The following AHNAK2 variants were observed in gnomAD, a reference collection of about 807,000 sequenced individuals.
The protein encoded by AHNAK2 is AHNAK nucleoprotein 2.
In AHNAK2, 18 loss-of-function variants were observed where a neutral mutation model predicts 30.7. The ratio of observed to expected loss-of-function variants is 0.59; its 90% CI spans 0.41 to 0.87. AHNAK2 has a LOEUF of 0.87. Among genes scored for constraint, AHNAK2 ranks in the 40% least tolerant of loss-of-function variants. The probability of loss-of-function intolerance (pLI) is 0.00; values close to 1 mark genes in which losing one functional copy is unlikely to be tolerated. For synonymous variants in AHNAK2, 3,590 were observed against 3,073.8 expected, an observed-to-expected ratio of 1.17 and a Z score of -5.56; for missense variants, 8,604 against 7,373.0, an observed-to-expected ratio of 1.17 and a Z score of -6.11.
At position 104,939,858 on chromosome 14, in the gene AHNAK2, G is replaced by C. The variant is rs761496001; in HGVS notation, c.15593C>G (p.Pro5198Arg). ...SWFKMPKFRMPSLRRSFRDRG... is the reference protein window; with the variant it reads ...SWFKMPKFRMRSLRRSFRDRG... ...GTCCCTGAAAGAGCGCCTAAGGCTG[G>C]GCATGCGGAACTTGGGCATTTTAAA... is the stretch of plus-strand genomic sequence containing the variant. Residue 5198 changes from proline (P) to arginine (R), a missense_variant, in exon 7 of 7, where the codon CCC becomes CGC. Coordinates refer to ENST00000333244, the MANE Select transcript of AHNAK2 (RefSeq NM_138420.4). 1 of 1,613,764 alleles carries C rather than the reference G, an allele frequency of 6.2e-7. No individual in the cohort carries two copies. Among genetic ancestry groups the C allele is most frequent in the Non-Finnish European group, 8.5e-7 (1 of 1,179,904 alleles).
In AHNAK2 at chr14:104,948,564, T is replaced by G; in HGVS notation, c.6887A>C (p.Asp2296Ala). Residue 2296 changes from aspartate to alanine, a missense_variant, in exon 7 of 7, where the codon GAT becomes GCT. Asp to Ala is a moderately radical substitution (Grantham distance 126). Coordinates refer to ENST00000333244, the MANE Select transcript of AHNAK2 (RefSeq NM_138420.4). ...VDVKAPGAKL[D>A]GARLEGDMSL... ...CATGTCCCCCTCCAGCCGCGCACCA[T>G]CCAGCTTGGCTCCTGGGGCCTTGAC... 1 of 1,612,488 alleles carries G rather than the reference T, an allele frequency of 6.2e-7. No homozygotes were observed. The highest frequency in any genetic ancestry group is 2.2e-5 in the East Asian group (1 of 44,788).
At chr14:104,963,474 G>A (rs1205151816) in intron 1 of AHNAK2, among the ~76,000 whole-genome samples, 1 of 152,154 alleles carries the variant, frequency 6.6e-6, no homozygotes, top group Non-Finnish European at 1.5e-5. Flanking sequence ...ATTACTTTTG[G>A]AGTAGGGGAA....
In AHNAK2 at chr14:104,945,138, C is replaced by G; in HGVS notation, c.10313G>C (p.Ser3438Thr). 6.2e-7 allele frequency: 1 copy of G among 1,613,404 alleles called. No homozygotes were observed. The highest frequency in any genetic ancestry group is 2.2e-5 in the East Asian group (1 of 44,792). ...CGGGGCCTGGACGTCCACCTCCACG[C>G]TGGGCAGAGACACCTCCACATCAGG... ...TVPDVEVSLP[S>T]VEVDVQAPRA... The change falls in exon 7 of 7, where the codon AGC becomes ACC. Residue 3438 changes from serine to threonine, a missense_variant. Ser to Thr is a moderately conservative substitution (Grantham distance 58). Coordinates refer to ENST00000333244, the MANE Select transcript of AHNAK2 (RefSeq NM_138420.4).
In AHNAK2 at chr14:104,946,133, C is replaced by T. The variant is rs1299979845; in HGVS notation, c.9318G>A (p.Gln3106=). The part of the protein sequence containing the change: ...DVTAPDVEVS[Q]PGMEVDVEAP... ...CCTCGACATCCACCTCCATGCCGGG[C>T]TGAGACACCTCCACGTCGGGGGCCG... The change falls in exon 7 of 7, where the codon CAG becomes CAA. Residue 3106 remains glutamine, a synonymous_variant. Transcript: ENST00000333244. 6.2e-7 allele frequency: 1 copy of T among 1,612,472 alleles called. No individual in the cohort carries two copies. Among genetic ancestry groups the T allele is most frequent in the Non-Finnish European group, 8.5e-7 (1 of 1,179,530 alleles).
At chr14:104,976,542 C>T (rs1259416271) in intron 1 of AHNAK2, among the ~76,000 whole-genome samples, 4 of 152,142 alleles carry the variant, frequency 2.6e-5, no homozygotes, top group African/African-American at 7.2e-5. Flanking sequence ...GTCTGGGAAC[C>T]GGTGTGCTGG....
Position 104,949,932 on chromosome 14 carries a change from T to A in AHNAK2, c.5519A>T (p.Lys1840Met), listed in dbSNP as rs2582510. The A allele has an allele frequency of 6.3e-7, 1 of 1,586,334 alleles. No individual in the cohort carries two copies. Among genetic ancestry groups the A allele is most frequent in the African/African-American group, 1.4e-5 (1 of 71,126 alleles). Residue 1840 changes from lysine to methionine, a missense_variant, in exon 7 of 7, where the codon AAG becomes ATG. Physicochemically the swap from Lys to Met is moderately conservative, Grantham distance 95 (BLOSUM62 -1). Transcript: ENST00000333244. ...MPSFGVSAPGKSIEASVDVSA... is the reference protein window; with the variant it reads ...MPSFGVSAPGMSIEASVDVSA... ...CACATCCACCGAGGCCTCGATGGAC[T>A]TGCCTGGGGCAGACACCCCGAACGA... is the stretch of plus-strand genomic sequence containing the variant.
chr14:104,943,342 G>C lies in AHNAK2; in HGVS notation c.12109C>G (p.Pro4037Ala). 6.2e-7 allele frequency: 1 copy of C among 1,612,790 alleles called. No individual in the cohort carries two copies. The highest frequency in any genetic ancestry group is 2.2e-5 in the East Asian group (1 of 44,716). The stretch of plus-strand genomic sequence containing the variant: ...GCTCCCTCGGGCACGGGGCCCTCTG[G>C]GAGTTTCACGTCCACTTGGCCAGCC... Reference protein sequence around the residue: ...VQAGQVDVKLPEGPVPEGASL... With the variant: ...VQAGQVDVKLAEGPVPEGASL... The change falls in exon 7 of 7, where the codon CCA becomes GCA. Residue 4037 changes from proline (P) to alanine (A), a missense_variant. Pro to Ala is a conservative substitution (Grantham distance 27). Transcript: ENST00000333244.
chr14:104,973,824 A>T (rs959426086), intron 1 of AHNAK2, among the ~76,000 whole-genome samples: 4 of 152,162 alleles, frequency 2.6e-5, no homozygotes, highest in Non-Finnish European at 5.9e-5. Flanking sequence ...CCACCCTCAC[A>T]AGCACACATT....
Position 104,941,869 on chromosome 14 carries a change from C to T in AHNAK2, c.13582G>A (p.Asp4528Asn). The change falls in exon 7 of 7, where the codon GAC (aspartate) becomes AAC (asparagine). Residue 4528 changes from aspartate to asparagine, a missense_variant. Asp to Asn is a conservative substitution (Grantham distance 23, BLOSUM62 1). Coordinates refer to ENST00000333244, the MANE Select transcript of AHNAK2 (RefSeq NM_138420.4). ...ATGTGGCCTTCTGGAAGTTTCAAGT[C>T]CACCTGGCCAGCCTGGACCTCCAGG... ...ADLEVQAGQVDLKLPEGHMPE... is the reference protein window; with the variant it reads ...ADLEVQAGQVNLKLPEGHMPE... 1.2e-6 allele frequency: 2 copies of T among 1,613,424 alleles called. No individual in the cohort carries two copies. The highest frequency in any genetic ancestry group is 1.7e-6 in the Non-Finnish European group (2 of 1,179,652).
chr14:104,953,174 G>A lies in AHNAK2; in HGVS notation c.2277C>T (p.Pro759=). Residue 759 remains proline (P), a synonymous_variant, in exon 7 of 7, where the codon CCC becomes CCT. Coordinates refer to ENST00000333244, the MANE Select transcript of AHNAK2 (RefSeq NM_138420.4). The part of the protein sequence containing the change: ...PEGASLKGHL[P]KVQRPSLKMP... Reference sequence around the variant, plus strand: ...TCTTCAAACTGGGCCTCTGCACCTTGGGCAGGTGCCCTTTGAGGCTGGCTC... The same window carrying A: ...TCTTCAAACTGGGCCTCTGCACCTTAGGCAGGTGCCCTTTGAGGCTGGCTC... 1 of 1,613,038 alleles carries A rather than the reference G, an allele frequency of 6.2e-7. No homozygotes were observed. The highest frequency in any genetic ancestry group is 8.5e-7 in the Non-Finnish European group (1 of 1,179,630).
intron 1 of AHNAK2, among the ~76,000 whole-genome samples, chr14:104,970,719 CA>C (rs1216823376): frequency 7.2e-5 from 11 of 152,102 alleles, no homozygotes; most frequent in Non-Finnish European, 1.3e-4. Flanking sequence ...CCTGAGTGCC[CA>C]CCCCCAGCCT....
chr14:104,965,790 C>T (rs1225675311), intron 1 of AHNAK2, among the ~76,000 whole-genome samples: 1 of 152,206 alleles, frequency 6.6e-6, no homozygotes, highest in Non-Finnish European at 1.5e-5. Flanking sequence ...AGGCCCAGTC[C>T]CGGCAGTGGT....
At position 104,938,860 on chromosome 14, in the gene AHNAK2, G is replaced by C. The variant is rs766113093; in HGVS notation, c.16591C>G (p.Gln5531Glu). 1.9e-6 allele frequency: 3 copies of C among 1,613,900 alleles called. 1 individual carries two copies. The highest frequency in any genetic ancestry group is 2.2e-5 in the South Asian group (2 of 91,080). The change falls in exon 7 of 7, where the codon CAG becomes GAG. Residue 5531 changes from glutamine to glutamate, a missense_variant. Coordinates refer to ENST00000333244, the MANE Select transcript of AHNAK2 (RefSeq NM_138420.4). ...GTCATTGTTGTGTACACTCTAGCCT[G>C]CGTGTGGGGCTCTGGGATTTTCACT... ...LKVKIPEPHTQARVYTTMTQH... is the reference protein window; with the variant it reads ...LKVKIPEPHTEARVYTTMTQH...
chr14:104,951,216 G>A lies in AHNAK2; in HGVS notation c.4235C>T (p.Pro1412Leu). ...PEGAGLKGHL[P>L]KLQMPSFKVP... ...CTTGAAACTGGGCATCTGCAGCTTGGGCAGGTGCCCTTTGAGGCCGGCTCC... is the reference window on the plus strand; with the variant it reads ...CTTGAAACTGGGCATCTGCAGCTTGAGCAGGTGCCCTTTGAGGCCGGCTCC... Residue 1412 changes from proline (P) to leucine (L), a missense_variant, in exon 7 of 7, where the codon CCC becomes CTC. Transcript: ENST00000333244. 12 of 1,065,320 alleles carry A rather than the reference G, an allele frequency of 1.1e-5. 4 individuals are homozygous for A. Among genetic ancestry groups the A allele is most frequent in the Non-Finnish European group, 1.6e-5 (12 of 734,970 alleles). The allele number at this position is 1,065,320 out of a possible 1,614,324, so 66.0% of individuals were successfully genotyped here.
Position 104,954,521 on chromosome 14 carries a change from C to T in AHNAK2, c.930G>A (p.Glu310=). ...TEAQLTVERQ[E]QKAGPGSQRR... ...TCTGGCTGCCCGGCCCTGCCTTCTG[C>T]TCTTGGCGCTCCACCGTGAGCTGGG... The change falls in exon 7 of 7, where the codon GAG becomes GAA. Residue 310 remains glutamate (E), a synonymous_variant. Transcript: ENST00000333244. The surrounding 1 kb of genome is among the most constrained non-coding windows in gnomAD (Gnocchi z 4.3). The T allele has an allele frequency of 1.9e-6, 3 of 1,611,552 alleles. No individual in the cohort carries two copies. Among genetic ancestry groups the T allele is most frequent in the Non-Finnish European group, 2.5e-6 (3 of 1,179,324 alleles).
In AHNAK2 at chr14:104,948,506, G is replaced by C; in HGVS notation, c.6945C>G (p.Asp2315Glu). The C allele has an allele frequency of 6.2e-7, 1 of 1,610,604 alleles. No homozygotes were observed. The highest frequency in any genetic ancestry group is 8.5e-7 in the Non-Finnish European group (1 of 1,178,670). ...SLADKDVTAK[D>E]SKFKMPKFKM... ...TGAACTTGGGCATTTTGAACTTGCT[G>C]TCTTTGGCAGTCACGTCCTTGTCGG... Residue 2315 changes from aspartate (D) to glutamate (E), a missense_variant, in exon 7 of 7, where the codon GAC (aspartate) becomes GAG (glutamate). Coordinates refer to ENST00000333244, the MANE Select transcript of AHNAK2 (RefSeq NM_138420.4).
rs1476833028 is a variant in AHNAK2 at position 104,966,891 on chromosome 14, A to G, written c.56-9219T>C. On this transcript the variant is annotated intron_variant, in intron 1 of 6. Coordinates refer to ENST00000333244, the MANE Select transcript of AHNAK2 (RefSeq NM_138420.4). This position sits in a 1 kb window ranked among gnomAD's most constrained non-coding sequence, Gnocchi z 4.3. The stretch of plus-strand genomic sequence containing the variant: ...CAGTTTCCCTTCCTGCTCTGCCCAG[A>G]CCCTGCCGCTCAATCCCCAAGGTGG... 2.0e-5 allele frequency among the ~76,000 whole-genome samples: 3 copies of G among 152,146 alleles called. No individual in the cohort carries two copies. Among genetic ancestry groups the G allele is most frequent in the African/African-American group, 7.2e-5 (3 of 41,422 alleles).
rs1733188235 is a variant in AHNAK2, at chr14:104,940,368, A to G, written c.15083T>C (p.Leu5028Pro). 6.2e-7 allele frequency: 1 copy of G among 1,613,810 alleles called. No homozygotes were observed. Among genetic ancestry groups the G allele is most frequent in the African/African-American group, 1.3e-5 (1 of 75,026 alleles). Residue 5028 changes from leucine (L) to proline (P), a missense_variant, in exon 7 of 7, where the codon CTT (leucine) becomes CCT (proline). Transcript: ENST00000333244. This position sits in a 1 kb window ranked among gnomAD's most constrained non-coding sequence, Gnocchi z 4.4. ...ACTCTTAGAAGCCTTCATTTTGGGAAGTGCAAGTTTTGGCATGGCAAAGCC... is the reference window on the plus strand; with the variant it reads ...ACTCTTAGAAGCCTTCATTTTGGGAGGTGCAAGTTTTGGCATGGCAAAGCC... ...KPGFAMPKLALPKMKASKSGV... is the reference protein window; with the variant it reads ...KPGFAMPKLAPPKMKASKSGV...
At position 104,946,190 on chromosome 14, in the gene AHNAK2, C is replaced by T; in HGVS notation, c.9261G>A (p.Lys3087=). Residue 3087 remains lysine, a synonymous_variant, in exon 7 of 7, where the codon AAG becomes AAA. Transcript: ENST00000333244. ...KGPQIDVKGP[K]LDLKGPKTDV... ...CCGTCTTCGGGCCTTTCAGGTCCAG[C>T]TTGGGGCCCTTGACATCTATCTGGG... 3.7e-6 allele frequency: 6 copies of T among 1,604,866 alleles called. No homozygotes were observed. Among genetic ancestry groups the T allele is most frequent in the Non-Finnish European group, 5.1e-6 (6 of 1,175,864 alleles).
Sources: gnomAD v4.1 joint callset for allele counts (sites outside exome capture counted in the v4.1 genomes callset) on GRCh38, gnomAD v4.1.1 for gene constraint, Gnocchi (gnomAD v3.1) non-coding constraint, MANE v1.5 for transcripts, NCBI Gene and HGNC (gene_info 2026-07-23, HGNC 2026-07-21) for gene names.